Variants in PALLD observed in about 807,000 individuals in gnomAD.
PALLD encodes the protein palladin, cytoskeletal associated protein, also known as palladin.
In PALLD, 61 loss-of-function variants were observed where a neutral mutation model predicts 123.5. That is an observed-to-expected ratio of 0.49 (90% CI 0.40 to 0.61). The LOEUF is 0.61. PALLD is among the 20% of genes least tolerant of loss of function. PALLD has a pLI of 0.00. For missense variants in PALLD, 1,273 were observed against 1,377.0 expected (o/e 0.92, Z 1.20); for synonymous variants, 465 against 496.4 (o/e 0.94, Z 0.84).
intron 10 of PALLD, among the ~76,000 whole-genome samples, chr4:168,782,431 CAT>C (rs1014041330): frequency 1.3e-5 from 2 of 152,170 alleles, no homozygotes; most frequent in African/African-American, 4.8e-5. Context: ...TTCCTATTTA[CAT>C]GTTTTGTTTA....
chr4:168,660,709 C>T (rs888956924), intron 2 of PALLD, among the ~76,000 whole-genome samples: 3 of 152,100 alleles, frequency 2.0e-5, no homozygotes, highest in Non-Finnish European at 4.4e-5. Flanking sequence ...TATAATGTTA[C>T]AATCCTTTTT....
chr4:168,766,831 C>T lies in PALLD; in HGVS notation c.1964+54908C>T, dbSNP rs1733734529. The stretch of plus-strand genomic sequence containing the variant: ...GTTGTTTTTCTACGTCTAGCCAAAA[C>T]TGGCCTCCTGTAACTGCCAGCTATT... On this transcript the variant is annotated intron_variant, in intron 10 of 21. Coordinates refer to ENST00000505667, the MANE Select transcript of PALLD (RefSeq NM_001166108.2). Among the ~76,000 whole-genome samples, 4 of 152,308 alleles carry T rather than the reference C, an allele frequency of 2.6e-5. No homozygotes were observed. In the South Asian group the frequency reaches 8.3e-4, roughly 32 times the overall value.
chr4:168,736,694 A>G (rs966167896), intron 10 of PALLD, among the ~76,000 whole-genome samples: 1 of 152,176 alleles, frequency 6.6e-6, no homozygotes, highest in African/African-American at 2.4e-5. Context: ...GAACATCAGG[A>G]TTCCGCCTGG....
intron 3 of PALLD, among the ~76,000 whole-genome samples, chr4:168,672,835 A>G (rs1345359898): frequency 6.6e-6 from 1 of 152,192 alleles, no homozygotes; most frequent in East Asian, 1.9e-4. Flanking sequence ...ACCCTATTTT[A>G]TAGTTGAAGA....
At chr4:168,574,405 T>C (rs1203899242) in intron 2 of PALLD, among the ~76,000 whole-genome samples, 1 of 152,160 alleles carries the variant, frequency 6.6e-6, no homozygotes, top group Non-Finnish European at 1.5e-5. Flanking sequence ...CAGTAGCTTC[T>C]TACTTGTCTT....
chr4:168,922,002 G>C (rs1055139936), intron 18 of PALLD, among the ~76,000 whole-genome samples: 2 of 151,546 alleles, frequency 1.3e-5, no homozygotes, highest in Non-Finnish European at 2.9e-5. Context: ...GTGTATAGTG[G>C]CCCCTAGTGT....
intron 10 of PALLD, among the ~76,000 whole-genome samples, chr4:168,824,244 T>TTAAAAG (rs1328831917): frequency 6.6e-6 from 1 of 152,218 alleles, no homozygotes; most frequent in Non-Finnish European, 1.5e-5. Context: ...AAATCTTACT[T>TTAAAAG]TGTCAACTTT....
At chr4:168,576,244 TTTA>T (rs1769568193) in intron 2 of PALLD, among the ~76,000 whole-genome samples, 2 of 152,066 alleles carry the variant, frequency 1.3e-5, no homozygotes, top group South Asian at 4.1e-4. Flanking sequence ...TTTTTCTTTT[TTTA>T]TTATTATACT....
chr4:168,620,899 A>T (rs1028105066), intron 2 of PALLD, among the ~76,000 whole-genome samples: 1 of 152,224 alleles, frequency 6.6e-6, no homozygotes. Flanking sequence ...GTAATATAAT[A>T]TTCTAAGCTA....
At chr4:168,639,744 C>G (rs1304291012) in intron 2 of PALLD, among the ~76,000 whole-genome samples, 1 of 152,078 alleles carries the variant, frequency 6.6e-6, no homozygotes, top group Non-Finnish European at 1.5e-5. Context: ...CGGGGTTTCA[C>G]CGTGTTAGCC....
chr4:168,860,289 C>A (rs1452434463), intron 10 of PALLD, among the ~76,000 whole-genome samples: 3 of 152,182 alleles, frequency 2.0e-5, no homozygotes, highest in Non-Finnish European at 4.4e-5. Context: ...GACACCAGAC[C>A]CTCAACCACA....
intron 17 of PALLD, 66 bp from the exon 18 acceptor site, chr4:168,921,468 C>T: frequency 1.1e-6 from 1 of 941,426 alleles, no homozygotes; most frequent in East Asian, 3.2e-5. Flanking sequence ...ATGCAGACTT[C>T]TTAGCTACCA....
chr4:168,902,648 C>CCAAAA (rs1453398775), intron 14 of PALLD, among the ~76,000 whole-genome samples: 2 of 151,964 alleles, frequency 1.3e-5, no homozygotes, highest in African/African-American at 4.8e-5. Context: ...GACCCTGTCT[C>CCAAAA]CAAAACAAAA....
chr4:168,809,762 A>C (rs1467911654), intron 10 of PALLD, among the ~76,000 whole-genome samples: 1 of 151,904 alleles, frequency 6.6e-6, no homozygotes, highest in Admixed American at 6.6e-5. Flanking sequence ...TTCTTGGGAG[A>C]CTGAGGCATG....
intron 2 of PALLD, among the ~76,000 whole-genome samples, chr4:168,555,602 G>A (rs1767198898): frequency 6.6e-6 from 1 of 152,166 alleles, no homozygotes; most frequent in Non-Finnish European, 1.5e-5. Context: ...GATATTAGCA[G>A]ATCAATCATC....
chr4:168,650,269 AAAGTTT>A (rs1180605382), intron 2 of PALLD, among the ~76,000 whole-genome samples: 1 of 152,230 alleles, frequency 6.6e-6, no homozygotes, highest in African/African-American at 2.4e-5. Context: ...GTGAAAAGTT[AAAGTTT>A]TTCTCTAACT....
chr4:168,659,660 G>A (rs1032946901), intron 2 of PALLD, among the ~76,000 whole-genome samples: 1 of 152,074 alleles, frequency 6.6e-6, no homozygotes, highest in Non-Finnish European at 1.5e-5. Flanking sequence ...CCATTAACTG[G>A]CTTTTAACAT....
Position 168,512,363 on chromosome 4 carries a change from CGAGTTTATCTGGAGTGTA to C in PALLD, c.864_881del (p.Tyr289_Val294del). On this transcript the variant is annotated inframe_deletion, in exon 2 of 22. Transcript: ENST00000505667. ...GAGCCAAGAAGTAGCAGAAGGGAGC[CGAGTTTATCTGGAGTGTA>C]GAGTCACTGGAAACCCCACTCCTCG... The C allele has an allele frequency of 6.2e-7, 1 of 1,613,884 alleles. No individual in the cohort carries two copies. The highest frequency in any genetic ancestry group is 8.5e-7 in the Non-Finnish European group (1 of 1,180,020).
In PALLD at chr4:168,878,344, G is replaced by A. The variant is rs1386824102; in HGVS notation, c.1965-12578G>A. 4.0e-6 allele frequency: 6 copies of A among 1,518,980 alleles called. No homozygotes were observed. In the South Asian group the frequency reaches 4.9e-5, roughly 12 times the overall value. The allele number at this position is 1,518,980 out of a possible 1,614,324, so 94.1% of individuals were successfully genotyped here. On this transcript the variant is annotated intron_variant, in intron 10 of 21. Coordinates refer to ENST00000505667, the MANE Select transcript of PALLD (RefSeq NM_001166108.2). Reference sequence around the variant, plus strand: ...TCAGCGCTCTGCTGCCCTCGCAGCCGCCGCCGGCGGCCGTCAACGCCCTGG... The same window carrying A: ...TCAGCGCTCTGCTGCCCTCGCAGCCACCGCCGGCGGCCGTCAACGCCCTGG...
Sources: gnomAD v4.1 joint callset for allele counts (sites outside exome capture counted in the v4.1 genomes callset) on GRCh38, gnomAD v4.1.1 for gene constraint, MANE v1.5 for transcripts, NCBI Gene and HGNC (gene_info 2026-07-23, HGNC 2026-07-21) for gene names.